The following NOTCH4 variants were observed in gnomAD, a reference collection of about 807,000 sequenced individuals.
NOTCH4 encodes notch receptor 4, also known as neurogenic locus notch homolog protein 4.
NOTCH4 carries 138 observed loss-of-function variants against 189.0 expected under a neutral mutation model. The observed-to-expected ratio is 0.73, with a 90% confidence interval of 0.64 to 0.84. NOTCH4 has a LOEUF of 0.84. NOTCH4 is among the 40% of genes least tolerant of loss of function. The probability of loss-of-function intolerance (pLI) is 0.00; values close to 1 mark genes in which losing one functional copy is unlikely to be tolerated. For synonymous variants in NOTCH4, 942 were observed against 1,032.8 expected (o/e 0.91, Z 1.69); for missense variants, 2,286 against 2,605.4 (o/e 0.88, Z 2.67).
Position 32,213,697 on chromosome 6 carries a change from A to G in NOTCH4, c.2311T>C (p.Cys771Arg). The change falls in exon 14 of 30, where the codon TGT becomes CGT. Residue 771 changes from cysteine to arginine, a missense_variant. Around this residue, in one of 2 missense-constraint regions of NOTCH4, gnomAD observed 1,903 missense variants for 2,261.9 expected, o/e 0.84. Coordinates refer to ENST00000375023, the MANE Select transcript of NOTCH4 (RefSeq NM_004557.4). Reference protein sequence around the residue: ...GPQCQTSTDYCVSAPCFNGGT... With the variant: ...GPQCQTSTDYRVSAPCFNGGT... ...CACAGTGGGCACTCACCAGACACAC[A>G]GTAGTCAGTGCTGGTTTGGCACTGG... 1 of 1,612,918 alleles carries G rather than the reference A, an allele frequency of 6.2e-7. No homozygotes were observed. Among genetic ancestry groups the G allele is most frequent in the Non-Finnish European group, 8.5e-7 (1 of 1,179,958 alleles).
At chr6:32,209,496 T>C (rs930099145) in intron 18 of NOTCH4, among the ~76,000 whole-genome samples, 2 of 152,122 alleles carry the variant, frequency 1.3e-5, no homozygotes, top group South Asian at 4.1e-4. Context: ...GAGAGAAGAT[T>C]TGAAATGTTC....
In NOTCH4 at chr6:32,213,810, C is replaced by G. The variant is rs756927252; in HGVS notation, c.2198G>C (p.Cys733Ser). The change falls in exon 14 of 30, where the codon TGT (cysteine) becomes TCT (serine). Residue 733 changes from cysteine to serine, a missense_variant. By Grantham distance (112) the Cys-to-Ser change is moderately radical. Transcript: ENST00000375023. The stretch of plus-strand genomic sequence containing the variant: ...GCCATTGAGACATGGCCCTGAGTGA[C>G]AAGCTGTCATCTCCTCACTACAGGT... ...GPTCSEEMTA[C>S]HSGPCLNGGS... 6.2e-7 allele frequency: 1 copy of G among 1,612,000 alleles called. No homozygotes were observed. Among genetic ancestry groups the G allele is most frequent in the Non-Finnish European group, 8.5e-7 (1 of 1,179,876 alleles).
chr6:32,203,495 C>G (rs1054415222), intron 20 of NOTCH4: 2 of 487,682 alleles, frequency 4.1e-6, no homozygotes, highest in Non-Finnish European at 7.2e-6. Flanking sequence ...AATAACCTAT[C>G]TGAGGCCACC....
chr6:32,215,515 C>T (rs898017049), intron 11 of NOTCH4, 130 bp from the exon 12 acceptor site: 1 of 872,274 alleles, frequency 1.1e-6, no homozygotes, highest in Non-Finnish European at 1.7e-6. Context: ...ACCCATGAAC[C>T]TGTCCTTCAA....
chr6:32,198,383 CT>C lies in NOTCH4; in HGVS notation c.4756+37del, dbSNP rs368091638. On this transcript the variant is annotated intron_variant, in intron 26 of 29. Coordinates refer to ENST00000375023, the MANE Select transcript of NOTCH4 (RefSeq NM_004557.4). The surrounding 1 kb of genome is among the most constrained non-coding windows in gnomAD (Gnocchi z 5.5). ...CTCTGATTCTAATAGGGTCAAAGGA[CT>C]TTTTTTTTTTTTCTTGGTCTGGGTT... The C allele has an allele frequency of 0.092, 94,470 of 1,026,996 alleles. 90 individuals are homozygous for C. Among genetic ancestry groups the C allele is most frequent in the South Asian group, 0.13 (7,232 of 56,142 alleles). 63.6% of individuals were successfully genotyped at this position (1,026,996 alleles called of 1,614,324 possible).
rs764974160 is a variant in NOTCH4 at position 32,217,016 on chromosome 6, G to A, written c.1790C>T (p.Pro597Leu). The change falls in exon 11 of 30, where the codon CCA (proline) becomes CTA (leucine). Residue 597 changes from proline (P) to leucine (L), a missense_variant. By Grantham distance (98) the Pro-to-Leu change is moderately conservative (BLOSUM62 -3). This residue lies in a region of NOTCH4 where 1,903 missense variants were observed against 2,261.9 expected (regional missense o/e 0.84). Transcript: ENST00000375023. The surrounding 1 kb of genome is among the most constrained non-coding windows in gnomAD (Gnocchi z 4.2). ...AAGGCAGCTGGCTCCAACGGGACAT[G>A]GGTCACTCAGGCACTCATCCACCTC... Reference protein sequence around the residue: ...QTEVDECLSDPCPVGASCLDL... With the variant: ...QTEVDECLSDLCPVGASCLDL... The A allele has an allele frequency of 1.9e-6, 3 of 1,613,110 alleles. No homozygotes were observed. The highest frequency in any genetic ancestry group is 2.5e-6 in the Non-Finnish European group (3 of 1,180,032).
rs534038410 is a variant in NOTCH4 at position 32,214,180 on chromosome 6, G to A, written c.2097C>T (p.Pro699=). 8.7e-6 allele frequency: 14 copies of A among 1,613,662 alleles called. No homozygotes were observed. The South Asian group carries it at 1.3e-4, about 15-fold the overall frequency. The change falls in exon 13 of 30, where the codon CCC becomes CCT. Residue 699 remains proline, a synonymous_variant. Coordinates refer to ENST00000375023, the MANE Select transcript of NOTCH4 (RefSeq NM_004557.4). ...EAELGGCISA[P]CAHGGTCYPQ... ...GGTAGCAGGTCCCCCCATGGGCACA[G>A]GGTGCAGAGATGCAGCCCCCTAGCT...
rs2127467631 is a variant in NOTCH4, at chr6:32,202,519, G to A, written c.3312C>T (p.Pro1104=). Residue 1104 remains proline, a synonymous_variant, in exon 21 of 30, where the codon CCC becomes CCT. Coordinates refer to ENST00000375023, the MANE Select transcript of NOTCH4 (RefSeq NM_004557.4). This position sits in a 1 kb window ranked among gnomAD's most constrained non-coding sequence, Gnocchi z 5.7. ...GTGGTGGGAAGCCTGGCTTAGGGGA[G>A]GGCAGACACAGGCCTCCGTGGTGGC... ...HHCHHGGLCL[P]SPKPGFPPRC... The A allele has an allele frequency of 6.2e-7, 1 of 1,611,846 alleles. No homozygotes were observed. The highest frequency in any genetic ancestry group is 8.5e-7 in the Non-Finnish European group (1 of 1,179,082).
chr6:32,214,173 G>C lies in NOTCH4; in HGVS notation c.2104C>G (p.His702Asp), dbSNP rs779162554. 2.7e-5 allele frequency: 44 copies of C among 1,613,564 alleles called. No individual in the cohort carries two copies. Among genetic ancestry groups the C allele is most frequent in the Non-Finnish European group, 3.6e-5 (43 of 1,179,802 alleles). ...GGCTGGGGGTAGCAGGTCCCCCCAT[G>C]GGCACAGGGTGCAGAGATGCAGCCC... ...LGGCISAPCA[H>D]GGTCYPQPSG... Residue 702 changes from histidine (H) to aspartate (D), a missense_variant, in exon 13 of 30, where the codon CAT becomes GAT. This residue lies in a region of NOTCH4 where 1,903 missense variants were observed against 2,261.9 expected (regional missense o/e 0.84). Coordinates refer to ENST00000375023, the MANE Select transcript of NOTCH4 (RefSeq NM_004557.4).
At chr6:32,209,744 G>A (rs147997110) in intron 18 of NOTCH4, among the ~76,000 whole-genome samples, 8 of 152,078 alleles carry the variant, frequency 5.3e-5, no homozygotes, top group South Asian at 2.1e-4. Flanking sequence ...TTAGCCAGGC[G>A]TGGTGGCGCG....
rs1296428942 is a variant in NOTCH4, at chr6:32,197,087, G to T, written c.5053-15C>A. On this transcript the variant is annotated splice_polypyrimidine_tract_variant and intron_variant, in intron 27 of 29. Transcript: ENST00000375023. ...CGGAGCAGAAGCTGGGGAGACAGAG[G>T]GCCAGTGACCCCTGGGGTACCTTGG... 1 of 1,611,526 alleles carries T rather than the reference G, an allele frequency of 6.2e-7. No individual in the cohort carries two copies. Among genetic ancestry groups the T allele is most frequent in the Non-Finnish European group, 8.5e-7 (1 of 1,179,812 alleles).
intron 3 of NOTCH4, among the ~76,000 whole-genome samples, chr6:32,222,058 A>C (rs1789812770): frequency 6.6e-6 from 1 of 151,232 alleles, no homozygotes; most frequent in Non-Finnish European, 1.5e-5. Flanking sequence ...CCCCCAATCC[A>C]CTCTCTGGGT....
rs1789073070 is a variant in NOTCH4 at position 32,212,346 on chromosome 6, G to T, written c.2680+128C>A. 8 of 826,594 alleles carry T rather than the reference G, an allele frequency of 9.7e-6. No individual in the cohort carries two copies. The highest frequency in any genetic ancestry group is 1.7e-5 in the South Asian group (1 of 58,044). The allele number at this position is 826,594 out of a possible 1,614,324, so 51.2% of individuals were successfully genotyped here. On this transcript the variant is annotated intron_variant, in intron 17 of 29. Coordinates refer to ENST00000375023, the MANE Select transcript of NOTCH4 (RefSeq NM_004557.4). The surrounding 1 kb of genome is among the most constrained non-coding windows in gnomAD (Gnocchi z 4.4). ...CACCTCTGCAATCAAGAACTGATTT[G>T]TCTGTGTGGTTTTGATTCTCAGATG...
Position 32,215,322 on chromosome 6 carries a change from T to A in NOTCH4, c.1925A>T (p.Asp642Val). 6.2e-7 allele frequency: 1 copy of A among 1,609,996 alleles called. No individual in the cohort carries two copies. Among genetic ancestry groups the A allele is most frequent in the Non-Finnish European group, 8.5e-7 (1 of 1,179,072 alleles). Residue 642 changes from aspartate to valine, a missense_variant, in exon 12 of 30, where the codon GAC becomes GTC. Physicochemically the swap from Asp to Val is radical, Grantham distance 152 (BLOSUM62 -3). Transcript: ENST00000375023. The part of the protein sequence containing the change: ...NLCQPKQICK[D>V]QKDKANCLCP... ...GAGGCAGTTGGCCTTGTCTTTCTGGTCCTTACATATCTGCTTGGGCTGGCA... is the reference window on the plus strand; with the variant it reads ...GAGGCAGTTGGCCTTGTCTTTCTGGACCTTACATATCTGCTTGGGCTGGCA...
chr6:32,197,715 G>T lies in NOTCH4; in HGVS notation c.4757-121C>A, dbSNP rs376260056. ...GGGAAGCTAAGTTCTGGCTCTGTGT[G>T]GCTTTAGCCAAGTGACTTTTCTGCT... On this transcript the variant is annotated intron_variant, in intron 26 of 29. Coordinates refer to ENST00000375023, the MANE Select transcript of NOTCH4 (RefSeq NM_004557.4). 402 of 846,664 alleles carry T rather than the reference G, an allele frequency of 4.7e-4. 10 individuals carry two copies. In the South Asian group the frequency reaches 8.5e-3, roughly 18 times the overall value. The allele number at this position is 846,664 out of a possible 1,614,324, so 52.4% of individuals were successfully genotyped here.
chr6:32,223,172 C>T, intron 1 of NOTCH4, 86 bp from the exon 2 acceptor site: 1 of 961,380 alleles, frequency 1.0e-6, no homozygotes, highest in South Asian at 1.3e-5. Context: ...GAGACCTGCC[C>T]ACAGCAGCTC....
rs752931284 is a variant in NOTCH4 at position 32,220,768 on chromosome 6, C to T, written c.910G>A (p.Glu304Lys). The change falls in exon 5 of 30, where the codon GAA becomes AAA. Residue 304 changes from glutamate (E) to lysine (K), a missense_variant. This residue lies in a region of NOTCH4 where 1,903 missense variants were observed against 2,261.9 expected (regional missense o/e 0.84). Transcript: ENST00000375023. Reference protein sequence around the residue: ...GLDTYTCLCPETWTGWDCSED... With the variant: ...GLDTYTCLCPKTWTGWDCSED... ...TTAAACAACTCACCTGTCCAGGTTT[C>T]TGGGCAGAGGCAGGTGTAGGTGTCC... The T allele has an allele frequency of 6.2e-6, 10 of 1,613,876 alleles. No individual in the cohort carries two copies. The South Asian group carries it at 9.9e-5, about 16-fold the overall frequency.
In NOTCH4 at chr6:32,210,378, C is replaced by T. The variant is rs898703923; in HGVS notation, c.2865+374G>A. ...TATTCAGAATGAGGCGGGCAGCCTC[C>T]GAAGGTTCAGCAGGGGAGAGACAGG... On this transcript the variant is annotated intron_variant, in intron 18 of 29. Coordinates refer to ENST00000375023, the MANE Select transcript of NOTCH4 (RefSeq NM_004557.4). This position sits in a 1 kb window ranked among gnomAD's most constrained non-coding sequence, Gnocchi z 4.8. Among the ~76,000 whole-genome samples the T allele has an allele frequency of 3.9e-5, 6 of 151,986 alleles. No homozygotes were observed. Among genetic ancestry groups the T allele is most frequent in the Non-Finnish European group, 7.4e-5 (5 of 68,006 alleles).
chr6:32,197,236 CTT>C, intron 27 of NOTCH4, 61 bp downstream of exon 27: 1 of 1,515,074 alleles, frequency 6.6e-7, no homozygotes, highest in Non-Finnish European at 8.8e-7. Flanking sequence ...CTAGGGGATG[CTT>C]CTGTCCAGCT....
Sources: allele counts gnomAD v4.1 joint callset (sites outside exome capture counted in the v4.1 genomes callset), GRCh38; gene constraint gnomAD v4.1.1; regional missense constraint gnomAD v4.1.1; non-coding constraint Gnocchi (gnomAD v3.1); transcripts MANE v1.5; gene names NCBI Gene and HGNC (gene_info 2026-07-23, HGNC 2026-07-21).